The following RBFOX1 variants were observed in gnomAD, a reference collection of about 807,000 sequenced individuals.
RBFOX1 encodes the protein RNA binding protein fox-1 homolog 1.
In RBFOX1, 8 loss-of-function variants were observed where a neutral mutation model predicts 57.7. That is an observed-to-expected ratio of 0.14 (90% CI 0.08 to 0.25). The LOEUF (loss-of-function observed/expected upper bound fraction) is 0.25. Among genes scored for constraint, RBFOX1 ranks in the 10% least tolerant of loss-of-function variants. The probability of loss-of-function intolerance (pLI) is 1.00; values close to 1 mark genes in which losing one functional copy is unlikely to be tolerated. For synonymous variants in RBFOX1, 326 were observed against 222.4 expected (o/e 1.47, Z -4.15); for missense variants, 611 against 548.5 (o/e 1.11, Z -1.14).
At chr16:6,502,850 A>G (rs1365131987) in intron 2 of RBFOX1, among the ~76,000 whole-genome samples, 1 of 152,172 alleles carries the variant, frequency 6.6e-6, no homozygotes, top group African/African-American at 2.4e-5. Flanking sequence ...GATTGAATCC[A>G]AATACTAACT....
chr16:6,335,694 G>A (rs548378336), intron 2 of RBFOX1, among the ~76,000 whole-genome samples: 24 of 148,090 alleles, frequency 1.6e-4, no homozygotes, highest in Non-Finnish European at 3.4e-4. Context: ...AGGAGAATCG[G>A]TTGAACCCGG....
Position 6,143,959 on chromosome 16 carries a change from C to CTATATATATATA in RBFOX1, c.-127+123979_-127+123990dup, listed in dbSNP as rs71142686. ...TGCAGGTGTGCAACACCATACTCAGCTATATATATATATATATATATATCT... is the reference window on the plus strand; with the variant it reads ...TGCAGGTGTGCAACACCATACTCAGCTATATATATATATATATATATATATATATATATATCT... On this transcript the variant is annotated intron_variant, in intron 1 of 15. Coordinates refer to ENST00000550418, the MANE Select transcript of RBFOX1 (RefSeq NM_018723.4). Among the ~76,000 whole-genome samples, 740 of 139,780 alleles carry CTATATATATATA rather than the reference C, an allele frequency of 5.3e-3. 2 individuals carry two copies. The highest frequency in any genetic ancestry group is 0.015 in the Middle Eastern group (4 of 274). 91.7% of individuals were successfully genotyped at this position (139,780 alleles called of 152,430 possible). A position where few individuals can be genotyped will look rare whatever the true frequency, so the allele number is the denominator to read the frequency against.
intron 4 of RBFOX1, among the ~76,000 whole-genome samples, chr16:5,889,573 T>C (rs543003125): frequency 3.3e-5 from 5 of 152,296 alleles, no homozygotes; most frequent in African/African-American, 7.2e-5. Context: ...TTCTTTTGGA[T>C]GTATTTAGCA....
intron 1 of RBFOX1, among the ~76,000 whole-genome samples, chr16:6,162,402 A>C (rs1243966435): frequency 6.6e-6 from 1 of 152,170 alleles, no homozygotes; most frequent in South Asian, 2.1e-4. Context: ...GTCGTGAGCC[A>C]CTGCACCTGG....
At chr16:6,231,074 G>A (rs2097455545) in intron 1 of RBFOX1, among the ~76,000 whole-genome samples, 1 of 152,128 alleles carries the variant, frequency 6.6e-6, no homozygotes, top group Admixed American at 6.6e-5. Context: ...AATTAAAGAA[G>A]GGTCTATTTG....
At chr16:6,291,897 A>G (rs1387624532) in intron 1 of RBFOX1, among the ~76,000 whole-genome samples, 1 of 151,986 alleles carries the variant, frequency 6.6e-6, no homozygotes, top group East Asian at 1.9e-4. Flanking sequence ...ATTTTCCTTG[A>G]TTAACATGTC....
At chr16:5,757,416 G>C (rs1597124746) in intron 3 of RBFOX1, among the ~76,000 whole-genome samples, 1 of 151,948 alleles carries the variant, frequency 6.6e-6, no homozygotes, top group Non-Finnish European at 1.5e-5. Flanking sequence ...ATTTTTAGTA[G>C]AGACGGGGTT....
chr16:6,884,370 G>T (rs1463754859), intron 3 of RBFOX1, among the ~76,000 whole-genome samples: 1 of 152,164 alleles, frequency 6.6e-6, no homozygotes, highest in Non-Finnish European at 1.5e-5. Context: ...GACAACAGTT[G>T]CTCTGCCCTC....
At chr16:7,402,613 A>C (rs982343116) in intron 4 of RBFOX1, among the ~76,000 whole-genome samples, 1 of 152,178 alleles carries the variant, frequency 6.6e-6, no homozygotes, top group Non-Finnish European at 1.5e-5. Context: ...GCATAATTTG[A>C]ATATGAGTGG....
At chr16:7,652,492 C>T (rs2065279821) in intron 11 of RBFOX1, among the ~76,000 whole-genome samples, 1 of 152,190 alleles carries the variant, frequency 6.6e-6, no homozygotes, top group African/African-American at 2.4e-5. Context: ...ACTGCAACCT[C>T]CACCTCCCAG....
At chr16:5,341,008 G>T (rs2065019830) in intron 1 of RBFOX1, among the ~76,000 whole-genome samples, 1 of 152,132 alleles carries the variant, frequency 6.6e-6, no homozygotes, top group South Asian at 2.1e-4. Flanking sequence ...TGAGGGAGCT[G>T]AATAACCCAG....
chr16:6,634,350 C>T (rs2098414266), intron 2 of RBFOX1, among the ~76,000 whole-genome samples: 1 of 152,042 alleles, frequency 6.6e-6, no homozygotes. Context: ...CCAGATCCAA[C>T]AACTGTCAGC....
intron 4 of RBFOX1, among the ~76,000 whole-genome samples, chr16:7,109,997 A>G (rs2064364699): frequency 6.6e-6 from 1 of 152,074 alleles, no homozygotes; most frequent in African/African-American, 2.4e-5. Flanking sequence ...AACAAGCCTG[A>G]TTATCTTACA....
intron 3 of RBFOX1, among the ~76,000 whole-genome samples, chr16:5,733,376 A>G (rs1027728793): frequency 6.6e-6 from 1 of 152,164 alleles, no homozygotes; most frequent in Non-Finnish European, 1.5e-5. Context: ...TGGGGAAGCA[A>G]CTTACCATGA....
intron 3 of RBFOX1, among the ~76,000 whole-genome samples, chr16:5,825,001 C>T (rs1319553186): frequency 1.3e-5 from 2 of 152,128 alleles, no homozygotes; most frequent in East Asian, 1.9e-4. Flanking sequence ...ATTAAGAGGT[C>T]CCCATTGTGG....
intron 3 of RBFOX1, among the ~76,000 whole-genome samples, chr16:6,957,249 A>C (rs927499814): frequency 6.6e-6 from 1 of 151,672 alleles, no homozygotes; most frequent in Non-Finnish European, 1.5e-5. Flanking sequence ...CTCCTGCCTC[A>C]GCCTCCCGAG....
chr16:6,315,970 AGG>A (rs909856344), intron 1 of RBFOX1, among the ~76,000 whole-genome samples: 3 of 152,194 alleles, frequency 2.0e-5, no homozygotes, highest in African/African-American at 7.2e-5. Context: ...ACATTAGGAA[AGG>A]GGGTATATTG....
chr16:6,430,688 G>C (rs2094054053), intron 2 of RBFOX1, among the ~76,000 whole-genome samples: 1 of 152,098 alleles, frequency 6.6e-6, no homozygotes, highest in African/African-American at 2.4e-5. Context: ...TGAATGCTGT[G>C]ATGGGAAGTT....
intron 3 of RBFOX1, among the ~76,000 whole-genome samples, chr16:6,886,066 C>CTTTT (rs543955510): frequency 6.2e-5 from 8 of 129,076 alleles, no homozygotes; most frequent in East Asian, 2.4e-4. Context: ...TTTTTTTTTT[C>CTTTT]TTTTTTTTTT....
Sources: allele counts gnomAD v4.1 joint callset (sites outside exome capture counted in the v4.1 genomes callset), GRCh38; gene constraint gnomAD v4.1.1; transcripts MANE v1.5; gene names NCBI Gene and HGNC (gene_info 2026-07-23, HGNC 2026-07-21).